The following GNPTAB variants were observed in gnomAD, a reference collection of about 807,000 sequenced individuals.
The protein encoded by GNPTAB is N-acetylglucosamine-1-phosphate transferase subunits alpha and beta, also known as N-acetylglucosamine-1-phosphotransferase subunits alpha/beta.
In GNPTAB, 92 loss-of-function variants were observed where a neutral mutation model predicts 136.6. The ratio of observed to expected loss-of-function variants is 0.67; its 90% confidence interval spans 0.57 to 0.80. The LOEUF is 0.80. Among genes scored for constraint, GNPTAB ranks in the 30% least tolerant of loss-of-function variants. The pLI is 0.00. For missense variants in GNPTAB, 1,343 were observed against 1,501.8 expected (o/e 0.89, Z 1.75); for synonymous variants, 512 against 535.1 (o/e 0.96, Z 0.60).
At chr12:101,813,893 A>C (rs1049114710) in intron 1 of GNPTAB, among the ~76,000 whole-genome samples, 2 of 152,138 alleles carry the variant, frequency 1.3e-5, no homozygotes, top group African/African-American at 2.4e-5. Flanking sequence ...AGCCTGGCCA[A>C]TATGGTGAAA....
rs2137116395 is a variant in GNPTAB, at chr12:101,764,495, G to A, written c.2422C>T (p.Leu808=). Residue 808 remains leucine, a synonymous_variant, in exon 13 of 21, where the codon CTG becomes TTG. Coordinates refer to ENST00000299314, the MANE Select transcript of GNPTAB (RefSeq NM_024312.5). ...NGHDQGQNPP[L]DLETTARFRV... is the part of the protein sequence containing the mutation. ...AATCTTGCTGTGGTCTCCAAGTCCA[G>A]GGGTGGATTCTGACCCTGGTCATGA... The A allele has an allele frequency of 6.2e-7, 1 of 1,613,814 alleles. No homozygotes were observed.
At chr12:101,779,134 C>CT (rs1210177116) in intron 7 of GNPTAB, 8 of 152,222 alleles carry the variant, frequency 5.3e-5, no homozygotes, top group Non-Finnish European at 8.8e-5. Context: ...CTAATCACAG[C>CT]TCCCCCACCA....
intron 1 of GNPTAB, among the ~76,000 whole-genome samples, chr12:101,798,352 A>T (rs965778419): frequency 6.6e-6 from 1 of 152,060 alleles, no homozygotes; most frequent in Non-Finnish European, 1.5e-5. Flanking sequence ...TTCCTCCAGC[A>T]TCCTATTCCA....
At chr12:101,808,948 C>CA (rs1187205174) in intron 1 of GNPTAB, among the ~76,000 whole-genome samples, 1 of 151,922 alleles carries the variant, frequency 6.6e-6, no homozygotes, top group African/African-American at 2.4e-5. Context: ...AACTCGGTCT[C>CA]AAAAAAACTT....
chr12:101,771,212 A>T, intron 7 of GNPTAB, 55 bp from the exon 8 acceptor site: 2 of 1,417,750 alleles, frequency 1.4e-6, no homozygotes, highest in Non-Finnish European at 2.0e-6. Context: ...AGGATGAAGC[A>T]CCTTTAAATT....
At chr12:101,826,780 A>G (rs1871103372) in intron 1 of GNPTAB, among the ~76,000 whole-genome samples, 1 of 152,148 alleles carries the variant, frequency 6.6e-6, no homozygotes, top group African/African-American at 2.4e-5. Context: ...CAAATTATTT[A>G]AAAACCAGAA....
At chr12:101,755,985 C>T (rs886932627) in intron 18 of GNPTAB, among the ~76,000 whole-genome samples, 4 of 152,126 alleles carry the variant, frequency 2.6e-5, no homozygotes, top group Non-Finnish European at 5.9e-5. Context: ...CTACACATGA[C>T]GGAGAGAACT....
At chr12:101,772,609 G>A (rs1050616905) in intron 7 of GNPTAB, among the ~76,000 whole-genome samples, 28 of 152,238 alleles carry the variant, frequency 1.8e-4, no homozygotes, top group African/African-American at 6.5e-4. Flanking sequence ...TACTCACTAA[G>A]TTGGTTCTCA....
chr12:101,818,760 T>TC (rs890164820), intron 1 of GNPTAB, among the ~76,000 whole-genome samples: 1 of 152,146 alleles, frequency 6.6e-6, no homozygotes, highest in Admixed American at 6.6e-5. Context: ...GAATTGTAGC[T>TC]CCCATAATCC....
chr12:101,780,209 C>G lies in GNPTAB; in HGVS notation c.714G>C (p.Lys238Asn). The G allele has an allele frequency of 6.2e-7, 1 of 1,613,334 alleles. No homozygotes were observed. Among genetic ancestry groups the G allele is most frequent in the Non-Finnish European group, 8.5e-7 (1 of 1,179,380 alleles). ...AFLSGFPPTF[K>N]ETNQLKTKLP... ...ATTTTGTTTTTAGTTGATTTGTTTCCTTGAATGTTGGTGGAAATCCACTCA... is the reference window on the plus strand; with the variant it reads ...ATTTTGTTTTTAGTTGATTTGTTTCGTTGAATGTTGGTGGAAATCCACTCA... Residue 238 changes from lysine (K) to asparagine (N), a missense_variant, in exon 7 of 21, where the codon AAG (lysine) becomes AAC (asparagine). Coordinates refer to ENST00000299314, the MANE Select transcript of GNPTAB (RefSeq NM_024312.5).
intron 1 of GNPTAB, among the ~76,000 whole-genome samples, chr12:101,827,205 T>C (rs556621943): frequency 1.3e-5 from 2 of 152,144 alleles, no homozygotes; most frequent in African/African-American, 4.8e-5. Context: ...TCACGGCTCA[T>C]GCAGCCTCAA....
chr12:101,784,846 A>G (rs1393220641), intron 5 of GNPTAB, among the ~76,000 whole-genome samples: 1 of 152,180 alleles, frequency 6.6e-6, no homozygotes, highest in Non-Finnish European at 1.5e-5. Flanking sequence ...GGCAGCTTTC[A>G]TTTTACACAT....
chr12:101,810,219 C>T (rs1297961492), intron 1 of GNPTAB, among the ~76,000 whole-genome samples: 1 of 152,022 alleles, frequency 6.6e-6, no homozygotes, highest in African/African-American at 2.4e-5. Flanking sequence ...ACACTCCAGC[C>T]TGGGCAACAG....
intron 13 of GNPTAB, among the ~76,000 whole-genome samples, chr12:101,762,995 C>T (rs1409733602): frequency 2.0e-5 from 3 of 150,332 alleles, no homozygotes; most frequent in African/African-American, 4.9e-5. Flanking sequence ...CCGAGGCGGG[C>T]GGATCACCTT....
chr12:101,795,736 G>A (rs1423838953), intron 2 of GNPTAB: 1 of 151,672 alleles, frequency 6.6e-6, no homozygotes, highest in South Asian at 2.1e-4. Context: ...CTGGGCAAGA[G>A]TGCAACTCTG....
rs780404447 is a variant in GNPTAB at position 101,749,217 on chromosome 12, T to G, written c.3603-26A>C. On this transcript the variant is annotated intron_variant, in intron 19 of 20. Transcript: ENST00000299314. ...CTGTGCAGAGAGAAGAAAGCAACTA[T>G]GTACTTCTGTATATGGTTTCACTAC... 5 of 1,301,208 alleles carry G rather than the reference T, an allele frequency of 3.8e-6. No homozygotes were observed. In the East Asian group the frequency reaches 1.2e-4, roughly 30 times the overall value. 80.6% of individuals were successfully genotyped at this position (1,301,208 alleles called of 1,614,324 possible).
rs201829728 is a variant in GNPTAB, at chr12:101,765,167, G to T, written c.1750C>A (p.Pro584Thr). 338 of 1,614,122 alleles carry T rather than the reference G, an allele frequency of 2.1e-4. 1 individual carries two copies. The East Asian group carries it at 7.0e-3, about 34-fold the overall frequency. ...GCAATAGAAGCATGTCGAATTATTGGATTGTCACTATAGGCACCTTCAACT... is the reference window on the plus strand; with the variant it reads ...GCAATAGAAGCATGTCGAATTATTGTATTGTCACTATAGGCACCTTCAACT... The part of the protein sequence containing the change: ...RGVEGAYSDN[P>T]IIRHASIANK... Residue 584 changes from proline (P) to threonine (T), a missense_variant, in exon 13 of 21, where the codon CCA becomes ACA. Physicochemically the swap from Pro to Thr is conservative, Grantham distance 38. Transcript: ENST00000299314.
rs1375933946 is a variant in GNPTAB, at chr12:101,764,282, T to C, written c.2635A>G (p.Arg879Gly). ...CTATCTGTGTAATGCTGCAGCTTTC[T>C]TCCAAGTAACACTTCAGTAACGCCT... ...HIGVTEVLLG[R>G]KLQHYTDSYL... The change falls in exon 13 of 21, where the codon AGA (arginine) becomes GGA (glycine). Residue 879 changes from arginine (R) to glycine (G), a missense_variant. Arg to Gly is a moderately radical substitution (Grantham distance 125, BLOSUM62 -2). Transcript: ENST00000299314. The C allele has an allele frequency of 1.2e-6, 2 of 1,614,090 alleles. No individual in the cohort carries two copies. Among genetic ancestry groups the C allele is most frequent in the Non-Finnish European group, 1.7e-6 (2 of 1,179,986 alleles).
chr12:101,760,249 T>G, intron 15 of GNPTAB, 106 bp from the exon 16 acceptor site: 1 of 753,414 alleles, frequency 1.3e-6, no homozygotes, highest in African/African-American at 1.7e-5. Flanking sequence ...TTAAATGCTA[T>G]CTTCAAAGAG....
Sources: gnomAD v4.1 joint callset for allele counts (sites outside exome capture counted in the v4.1 genomes callset) on GRCh38, gnomAD v4.1.1 for gene constraint, MANE v1.5 for transcripts, NCBI Gene and HGNC (gene_info 2026-07-23, HGNC 2026-07-21) for gene names.